The following MEIKIN variants were observed in gnomAD, a reference collection of about 807,000 sequenced individuals.
The protein encoded by MEIKIN is meiotic kinetochore factor, also known as meiosis-specific kinetochore protein.
chr5:131,812,219 T>C (rs1772971221), intron 12 of MEIKIN, among the ~76,000 whole-genome samples: 1 of 152,226 alleles, frequency 6.6e-6, no homozygotes, highest in Admixed American at 6.5e-5. Context: ...TAACATGTAA[T>C]ATGTAACAGT....
At chr5:131,827,199 G>T (rs566168406) in intron 11 of MEIKIN, among the ~76,000 whole-genome samples, 5 of 152,208 alleles carry the variant, frequency 3.3e-5, no homozygotes, top group African/African-American at 1.2e-4. Context: ...TGACCAGGCT[G>T]GTTCTGAACT....
intron 8 of MEIKIN, among the ~76,000 whole-genome samples, chr5:131,907,528 C>T (rs544451053): frequency 7.3e-5 from 11 of 150,098 alleles, no homozygotes; most frequent in African/African-American, 2.7e-4. Context: ...CTACTATGAG[C>T]AACTACATGC....
chr5:131,843,234 T>C (rs576418208), intron 11 of MEIKIN, among the ~76,000 whole-genome samples: 2 of 152,356 alleles, frequency 1.3e-5, no homozygotes, highest in South Asian at 2.1e-4. Flanking sequence ...GGAGGGGCTG[T>C]TGTGAAGGTC....
chr5:131,865,395 A>G (rs1467730041), intron 9 of MEIKIN, among the ~76,000 whole-genome samples: 1 of 151,572 alleles, frequency 6.6e-6, no homozygotes, highest in Non-Finnish European at 1.5e-5. Context: ...AATTTTTTGT[A>G]TTTTTAGTAG....
rs554542211 is a variant in MEIKIN at position 131,865,422 on chromosome 5, T to C, written c.775-10588A>G. ...TTTTAGTAGAGACAGGGTTTCACCA[T>C]GTTAGCCAGAATGGTCTCGATCTCC... On this transcript the variant is annotated intron_variant, in intron 9 of 12. Coordinates refer to ENST00000442687, the MANE Select transcript of MEIKIN (RefSeq NM_001303622.2). 1.0e-3 allele frequency among the ~76,000 whole-genome samples: 158 copies of C among 152,316 alleles called. 1 individual carries two copies. Among genetic ancestry groups the C allele is most frequent in the African/African-American group, 3.6e-3 (149 of 41,562 alleles).
At chr5:131,869,638 C>T (rs1750450961) in intron 9 of MEIKIN, among the ~76,000 whole-genome samples, 1 of 152,198 alleles carries the variant, frequency 6.6e-6, no homozygotes, top group South Asian at 2.1e-4. Flanking sequence ...CCTTTCTCTT[C>T]CCACTGCTAG....
intron 8 of MEIKIN, among the ~76,000 whole-genome samples, chr5:131,880,553 T>C (rs1311312110): frequency 2.0e-5 from 3 of 152,246 alleles, no homozygotes; most frequent in Admixed American, 6.5e-5. Context: ...AGCTTTTCTT[T>C]ATTCTTAGCA....
chr5:131,834,645 TTTC>T (rs1404761638), intron 11 of MEIKIN, among the ~76,000 whole-genome samples: 1 of 152,212 alleles, frequency 6.6e-6, no homozygotes. Context: ...ACATGTCACC[TTTC>T]TTCTTTTCTA....
At chr5:131,837,247 G>T (rs1204434844) in intron 11 of MEIKIN, among the ~76,000 whole-genome samples, 1 of 152,182 alleles carries the variant, frequency 6.6e-6, no homozygotes, top group African/African-American at 2.4e-5. Context: ...GTACAATGCT[G>T]TTTTGGTCAC....
At chr5:131,807,377 A>G in intron 12 of MEIKIN, 119 bp from the exon 13 acceptor site, 1 of 395,370 alleles carries the variant, frequency 2.5e-6, no homozygotes, top group East Asian at 3.6e-5. Context: ...GTTTCAGCCC[A>G]TCAAGCCTTA....
chr5:131,861,369 CAG>C (rs995111995), intron 9 of MEIKIN, among the ~76,000 whole-genome samples: 2 of 151,962 alleles, frequency 1.3e-5, no homozygotes, highest in African/African-American at 4.8e-5. Context: ...ACCTGGGCAA[CAG>C]AGAGAGACTC....
chr5:131,870,491 G>A (rs978520550), intron 9 of MEIKIN, among the ~76,000 whole-genome samples: 15 of 151,716 alleles, frequency 9.9e-5, no homozygotes, highest in African/African-American at 2.7e-4. Flanking sequence ...AGGACATTTC[G>A]CCCGTTTCCA....
chr5:131,829,773 TG>T (rs1749681422), intron 11 of MEIKIN, among the ~76,000 whole-genome samples: 1 of 152,048 alleles, frequency 6.6e-6, no homozygotes, highest in South Asian at 2.1e-4. Flanking sequence ...CATGTGAAGA[TG>T]GGAAGTAGAT....
chr5:131,930,501 A>G (rs1457346396), intron 5 of MEIKIN, among the ~76,000 whole-genome samples: 1 of 152,108 alleles, frequency 6.6e-6, no homozygotes, highest in Non-Finnish European at 1.5e-5. Context: ...ATTAGGTCCC[A>G]TTTGTCAATT....
At chr5:131,906,408 C>A (rs1196186664) in intron 8 of MEIKIN, among the ~76,000 whole-genome samples, 1 of 152,140 alleles carries the variant, frequency 6.6e-6, no homozygotes, top group East Asian at 1.9e-4. Flanking sequence ...TGCTTATATA[C>A]TGTTAGTGGG....
At chr5:131,834,394 G>T (rs1749766604) in intron 11 of MEIKIN, among the ~76,000 whole-genome samples, 1 of 152,110 alleles carries the variant, frequency 6.6e-6, no homozygotes, top group Non-Finnish European at 1.5e-5. Flanking sequence ...ACAATTCACT[G>T]TTATTAACTA....
intron 11 of MEIKIN, among the ~76,000 whole-genome samples, chr5:131,835,215 T>TATATATGTGTATATATATATGTGTGTAC (rs1749784926): frequency 6.6e-6 from 1 of 151,332 alleles, no homozygotes; most frequent in African/African-American, 2.4e-5. Context: ...TATGTGTGTA[T>TATATATGTGTATATATATATGTGTGTAC]ATATATGTGT....
At chr5:131,819,006 T>G in intron 11 of MEIKIN, 143 bp from the exon 12 acceptor site, 1 of 377,732 alleles carries the variant, frequency 2.6e-6, no homozygotes, top group East Asian at 3.7e-5. Flanking sequence ...CTTACTCCAC[T>G]CCTAACAGTA....
Position 131,934,086 on chromosome 5 carries a change from G to A in MEIKIN, c.350-445C>T, listed in dbSNP as rs144206106. Among the ~76,000 whole-genome samples, 153 of 151,942 alleles carry A rather than the reference G, an allele frequency of 1.0e-3. 1 individual carries two copies. The highest frequency in any genetic ancestry group is 3.5e-3 in the African/African-American group (146 of 41,460). On this transcript the variant is annotated intron_variant, in intron 4 of 12. Transcript: ENST00000442687. ...CCTGCCTCAGCCTCCCGAGTAGCTG[G>A]GATTACAGGAATGTGCCACCATCCT...
Sources: allele counts gnomAD v4.1 joint callset (sites outside exome capture counted in the v4.1 genomes callset), GRCh38; gene constraint gnomAD v4.1.1; transcripts MANE v1.5; gene names NCBI Gene and HGNC (gene_info 2026-07-23, HGNC 2026-07-21).